HECW1: variants seen among roughly 807,000 people sequenced by gnomAD.
HECW1 encodes the protein HECT, C2 and WW domain containing E3 ubiquitin protein ligase 1, also known as E3 ubiquitin-protein ligase HECW1.
In HECW1, 61 loss-of-function variants were observed where a neutral mutation model predicts 182.3. The ratio of observed to expected loss-of-function variants is 0.33; its 90% CI spans 0.27 to 0.41. The LOEUF (loss-of-function observed/expected upper bound fraction) is 0.41. Among genes scored for constraint, HECW1 ranks in the 10% least tolerant of loss-of-function variants. The pLI is 1.00. For synonymous variants in HECW1, 859 were observed against 832.6 expected (o/e 1.03, Z -0.55); for missense variants, 1,739 against 2,108.9 (o/e 0.82, Z 3.44).
chr7:43,418,039 T>A (rs2076069948), intron 8 of HECW1, among the ~76,000 whole-genome samples: 1 of 152,212 alleles, frequency 6.6e-6, no homozygotes, highest in Non-Finnish European at 1.5e-5. Context: ...GTTCCATGCC[T>A]CTCTCCTAGC....
At chr7:43,407,204 G>A (rs970125419) in intron 7 of HECW1, among the ~76,000 whole-genome samples, 8 of 152,096 alleles carry the variant, frequency 5.3e-5, no homozygotes, top group Non-Finnish European at 8.8e-5. Flanking sequence ...CATTGTCCAC[G>A]CTCTGTGCTC....
intron 2 of HECW1, among the ~76,000 whole-genome samples, chr7:43,163,693 C>T (rs941109213): frequency 1.3e-5 from 2 of 152,252 alleles, no homozygotes; most frequent in African/African-American, 4.8e-5. Context: ...CTAAGCTCCC[C>T]CAAATGGCTC....
chr7:43,126,681 A>G (rs894087675), intron 2 of HECW1, among the ~76,000 whole-genome samples: 4 of 152,196 alleles, frequency 2.6e-5, no homozygotes, highest in Admixed American at 6.5e-5. Context: ...CCCTGAGTCC[A>G]GCAAGTCTAT....
rs1809994352 is a variant in HECW1, at chr7:43,320,656, T to A, written c.374T>A (p.Phe125Tyr). Residue 125 changes from phenylalanine to tyrosine, a missense_variant, in exon 5 of 30, where the codon TTT becomes TAT. Physicochemically the swap from Phe to Tyr is conservative, Grantham distance 22 (BLOSUM62 3). Transcript: ENST00000395891. ...ATAGATGAGGTCTTGTCCGAAAACT[T>A]TCTGGACTATAAAAACCGTGGAGTC... is the stretch of plus-strand genomic sequence containing the variant. ...YLIDEVLSENFLDYKNRGVNG... is the reference protein window; with the variant it reads ...YLIDEVLSENYLDYKNRGVNG... 1 of 1,613,944 alleles carries A rather than the reference T, an allele frequency of 6.2e-7. No homozygotes were observed. Among genetic ancestry groups the A allele is most frequent in the Non-Finnish European group, 8.5e-7 (1 of 1,179,902 alleles).
At chr7:43,297,834 G>A (rs1806233329) in intron 3 of HECW1, among the ~76,000 whole-genome samples, 2 of 152,218 alleles carry the variant, frequency 1.3e-5, no homozygotes, top group Admixed American at 6.5e-5. Context: ...CACTTTGAGA[G>A]GCCAAAGCAG....
intron 6 of HECW1, among the ~76,000 whole-genome samples, chr7:43,391,425 T>G (rs1355229588): frequency 6.6e-6 from 1 of 152,214 alleles, no homozygotes; most frequent in Non-Finnish European, 1.5e-5. Flanking sequence ...TGAATTGTTC[T>G]TAGCTCAGCT....
At chr7:43,114,464 C>A in intron 2 of HECW1, 73 bp downstream of exon 2, 1 of 1,240,046 alleles carries the variant, frequency 8.1e-7, no homozygotes, top group Non-Finnish European at 1.1e-6. Context: ...AGTCCACATG[C>A]CCACCCTGGT....
chr7:43,242,067 C>A (rs1391366104), intron 2 of HECW1, among the ~76,000 whole-genome samples: 1 of 152,016 alleles, frequency 6.6e-6, no homozygotes, highest in Non-Finnish European at 1.5e-5. Context: ...AGGGAGGCAG[C>A]AGTGAGGTCA....
At chr7:43,404,247 T>C (rs970019651) in intron 7 of HECW1, among the ~76,000 whole-genome samples, 4 of 152,224 alleles carry the variant, frequency 2.6e-5, no homozygotes, top group African/African-American at 9.6e-5. Context: ...TATGTAAGTC[T>C]TTATAAAGAA....
chr7:43,121,854 C>T (rs1224538921), intron 2 of HECW1: 2 of 152,206 alleles, frequency 1.3e-5, no homozygotes, highest in African/African-American at 4.8e-5. Flanking sequence ...TCACACTTCT[C>T]TTAGTATTCC....
intron 3 of HECW1, among the ~76,000 whole-genome samples, chr7:43,283,366 C>A (rs1804179765): frequency 6.6e-6 from 1 of 152,140 alleles, no homozygotes; most frequent in African/African-American, 2.4e-5. Context: ...GTGTGAGAAT[C>A]CAGCTGTCTT....
chr7:43,401,180 G>A (rs368278470), intron 7 of HECW1, among the ~76,000 whole-genome samples: 104 of 152,208 alleles, frequency 6.8e-4, no homozygotes, highest in African/African-American at 2.4e-3. Flanking sequence ...TCTGTCTACC[G>A]CAGTCAAGAA....
chr7:43,389,004 C>A (rs527536152), intron 6 of HECW1, among the ~76,000 whole-genome samples: 15 of 152,126 alleles, frequency 9.9e-5, no homozygotes, highest in African/African-American at 3.6e-4. Context: ...ACCAAGGTGC[C>A]AGTGATGGGG....
chr7:43,480,251 T>G (rs932396628), intron 17 of HECW1, among the ~76,000 whole-genome samples: 2 of 152,208 alleles, frequency 1.3e-5, no homozygotes, highest in Admixed American at 6.5e-5. Flanking sequence ...GCTCTTTCCT[T>G]GGCAGCACTT....
rs772084994 is a variant in HECW1, at chr7:43,479,708, G to C, written c.3198G>C (p.Gln1066His). Residue 1066 changes from glutamine to histidine, a missense_variant, in exon 17 of 30, where the codon CAG (glutamine) becomes CAC (histidine). Physicochemically the swap from Gln to His is conservative, Grantham distance 24. Transcript: ENST00000395891. ...GRLPNHLTHR[Q>H]HLQRLRSYSA... ...TTCCCAATCATCTAACTCACCGACA[G>C]CACCTCCAGAGGCTCCGAAGTTACA... 1.1e-4 allele frequency: 172 copies of C among 1,613,832 alleles called. No homozygotes were observed. Among genetic ancestry groups the C allele is most frequent in the Non-Finnish European group, 1.4e-4 (165 of 1,179,976 alleles).
Position 43,112,917 on chromosome 7 carries a change from G to A in HECW1, c.-287G>A. On this transcript the variant is annotated 5_prime_UTR_variant, in exon 1 of 30. Transcript: ENST00000395891. ...GCGCGCTGACAGGAGCATGATCTGT[G>A]CCCAGGCCAGGGCTGCCAAGGTAAG... 1 of 217,314 alleles carries A rather than the reference G, an allele frequency of 4.6e-6. No homozygotes were observed. The highest frequency in any genetic ancestry group is 9.3e-6 in the Non-Finnish European group (1 of 107,810). 13.5% of individuals were successfully genotyped at this position (217,314 alleles called of 1,614,324 possible). A position where few individuals can be genotyped will look rare whatever the true frequency, so the allele number is the denominator to read the frequency against.
chr7:43,210,976 G>A (rs1235244981), intron 2 of HECW1, among the ~76,000 whole-genome samples: 2 of 152,244 alleles, frequency 1.3e-5, no homozygotes, highest in African/African-American at 4.8e-5. Flanking sequence ...GGGACCCAAA[G>A]AGGGTAGCCG....
chr7:43,465,599 G>A (rs2077737923), intron 14 of HECW1, among the ~76,000 whole-genome samples: 1 of 152,186 alleles, frequency 6.6e-6, no homozygotes. Flanking sequence ...AAGGCACAAG[G>A]CCAGCCCCAA....
At chr7:43,205,330 G>T (rs765793670) in intron 2 of HECW1, among the ~76,000 whole-genome samples, 9 of 152,122 alleles carry the variant, frequency 5.9e-5, no homozygotes, top group Non-Finnish European at 1.2e-4. Flanking sequence ...TGATCGGCCC[G>T]CCTTGGCCTC....
Sources: gnomAD v4.1 joint callset for allele counts (sites outside exome capture counted in the v4.1 genomes callset) on GRCh38, gnomAD v4.1.1 for gene constraint, MANE v1.5 for transcripts, NCBI Gene and HGNC (gene_info 2026-07-23, HGNC 2026-07-21) for gene names.